The following LRP1B variants were observed in gnomAD, a reference collection of about 807,000 sequenced individuals.
The protein encoded by LRP1B is LDL receptor related protein 1B.
A neutral mutation model predicts 556.6 loss-of-function variants in LRP1B; 217 were observed. That is an observed-to-expected ratio of 0.39 (90% CI 0.35 to 0.44). LRP1B has a LOEUF of 0.44. LRP1B is among the 20% of genes least tolerant of loss of function. LRP1B has a pLI of 1.00. For missense variants in LRP1B, 5,053 were observed against 5,620.8 expected (o/e 0.90, Z 3.23); for synonymous variants, 2,047 against 1,865.8 (o/e 1.10, Z -2.50).
At chr2:140,649,105 T>C (rs1468274068) in intron 41 of LRP1B, among the ~76,000 whole-genome samples, 1 of 152,180 alleles carries the variant, frequency 6.6e-6, no homozygotes, top group Non-Finnish European at 1.5e-5. Context: ...ATATCTTTAG[T>C]ACAGGTGTTT....
chr2:141,878,019 C>T (rs1698825651), intron 1 of LRP1B, among the ~76,000 whole-genome samples: 1 of 151,794 alleles, frequency 6.6e-6, no homozygotes, highest in African/African-American at 2.4e-5. Context: ...TTTGACATTC[C>T]CTAAAATGTT....
At chr2:140,991,894 A>C (rs1697102811) in intron 16 of LRP1B, among the ~76,000 whole-genome samples, 1 of 152,158 alleles carries the variant, frequency 6.6e-6, no homozygotes, top group Admixed American at 6.6e-5. Context: ...AATAGACTAA[A>C]GACTAAAAAT....
chr2:140,958,208 T>C (rs946844660), intron 18 of LRP1B, among the ~76,000 whole-genome samples: 1 of 151,456 alleles, frequency 6.6e-6, no homozygotes, highest in Non-Finnish European at 1.5e-5. Flanking sequence ...CAGGATTAGA[T>C]CCAGAATATC....
intron 47 of LRP1B, among the ~76,000 whole-genome samples, 186 bp from the exon 48 acceptor site, chr2:140,526,536 C>T (rs1690443455): frequency 6.6e-6 from 1 of 151,050 alleles, no homozygotes; most frequent in African/African-American, 2.5e-5. Context: ...ATGTCTTCCC[C>T]TATCACACAA....
chr2:141,741,335 A>G (rs1320723211), intron 2 of LRP1B, among the ~76,000 whole-genome samples: 2 of 135,418 alleles, frequency 1.5e-5, no homozygotes, highest in African/African-American at 5.7e-5. Flanking sequence ...TTACTGGAGA[A>G]TATGGTAGCT....
intron 72 of LRP1B, among the ~76,000 whole-genome samples, chr2:140,364,114 A>G (rs1682643031): frequency 6.6e-6 from 1 of 151,646 alleles, no homozygotes; most frequent in Non-Finnish European, 1.5e-5. Flanking sequence ...AACTTTTGTT[A>G]AGACTTTTTA....
At chr2:141,464,346 G>A (rs969587716) in intron 3 of LRP1B, among the ~76,000 whole-genome samples, 1 of 151,532 alleles carries the variant, frequency 6.6e-6, no homozygotes, top group African/African-American at 2.4e-5. Flanking sequence ...TAGACATCAA[G>A]GATTTTTAGA....
chr2:141,492,849 C>T (rs913150930), intron 2 of LRP1B, among the ~76,000 whole-genome samples: 1 of 152,072 alleles, frequency 6.6e-6, no homozygotes, highest in Admixed American at 6.6e-5. Context: ...GTTTCAGACC[C>T]AAAGTGAATG....
chr2:140,829,421 T>C (rs1691639085), intron 31 of LRP1B, among the ~76,000 whole-genome samples: 1 of 152,162 alleles, frequency 6.6e-6, no homozygotes, highest in Non-Finnish European at 1.5e-5. Context: ...AAGTCAAAAT[T>C]GTATCAAGTT....
chr2:141,120,928 T>C (rs914441077), intron 7 of LRP1B, among the ~76,000 whole-genome samples: 1 of 152,042 alleles, frequency 6.6e-6, no homozygotes, highest in Non-Finnish European at 1.5e-5. Context: ...ACTGCAACTC[T>C]GCCCTAATAG....
chr2:140,557,017 G>A (rs1466565133), intron 43 of LRP1B, among the ~76,000 whole-genome samples: 1 of 151,954 alleles, frequency 6.6e-6, no homozygotes. Context: ...AAAATAAAAA[G>A]TAAAAACTAC....
At chr2:141,633,547 C>A (rs1007683568) in intron 2 of LRP1B, among the ~76,000 whole-genome samples, 1 of 151,942 alleles carries the variant, frequency 6.6e-6, no homozygotes, top group Non-Finnish European at 1.5e-5. Flanking sequence ...CTGAATCTAC[C>A]AATACGACTT....
intron 41 of LRP1B, among the ~76,000 whole-genome samples, chr2:140,694,942 A>G (rs1217048205): frequency 6.6e-6 from 1 of 151,804 alleles, no homozygotes; most frequent in African/African-American, 2.4e-5. Context: ...TTTTTCTTAC[A>G]TATGTATATT....
At chr2:141,905,971 T>C (rs1398488354) in intron 1 of LRP1B, among the ~76,000 whole-genome samples, 1 of 146,102 alleles carries the variant, frequency 6.8e-6, no homozygotes, top group Non-Finnish European at 1.5e-5. Context: ...TATATACATC[T>C]CTAAGAGGAC....
intron 50 of LRP1B, 127 bp from the exon 51 acceptor site, chr2:140,514,899 T>G: frequency 1.1e-6 from 1 of 886,816 alleles, no homozygotes; most frequent in Non-Finnish European, 1.6e-6. Flanking sequence ...AGCCAACTTC[T>G]TCTTTTCTAT....
At chr2:140,961,257 C>A (rs917306887) in intron 18 of LRP1B, among the ~76,000 whole-genome samples, 1 of 151,988 alleles carries the variant, frequency 6.6e-6, no homozygotes, top group African/African-American at 2.4e-5. Context: ...ATCCATCAAT[C>A]TATCCTTCTA....
chr2:141,376,096 C>G (rs1249898538), intron 3 of LRP1B, among the ~76,000 whole-genome samples: 3 of 152,090 alleles, frequency 2.0e-5, no homozygotes, highest in East Asian at 1.9e-4. Flanking sequence ...CTCCTTGGAG[C>G]AGTGTAGCAG....
In LRP1B at chr2:140,381,287, GAAC is replaced by G. The variant is rs1169463277; in HGVS notation, c.10532-3004_10532-3002del. On this transcript the variant is annotated intron_variant, in intron 67 of 90. Coordinates refer to ENST00000389484, the MANE Select transcript of LRP1B (RefSeq NM_018557.3). ...ATGATACTATTTTTCTTGTGAAAGA[GAAC>G]AATAACAAAAACAACATGACTGTAG... Among the ~76,000 whole-genome samples, 11 of 152,086 alleles carry G rather than the reference GAAC, an allele frequency of 7.2e-5. No individual in the cohort carries two copies. In the East Asian group the frequency reaches 2.1e-3, roughly 29 times the overall value.
intron 66 of LRP1B, among the ~76,000 whole-genome samples, chr2:140,442,255 C>T (rs984897629): frequency 6.6e-6 from 1 of 152,134 alleles, no homozygotes; most frequent in Non-Finnish European, 1.5e-5. Context: ...TGGTCTTATT[C>T]TACCTCTTTG....
Sources: allele counts gnomAD v4.1 joint callset (sites outside exome capture counted in the v4.1 genomes callset), GRCh38; gene constraint gnomAD v4.1.1; transcripts MANE v1.5; gene names NCBI Gene and HGNC (gene_info 2026-07-23, HGNC 2026-07-21).